Variants in MYRIP observed in about 807,000 individuals in gnomAD.
MYRIP encodes myosin VIIA and Rab interacting protein, also known as rab effector MyRIP.
Under a neutral mutation model 98.0 loss-of-function variants are expected in MYRIP, and 49 were observed. That is an observed-to-expected ratio of 0.50 (90% CI 0.40 to 0.63). MYRIP has a LOEUF of 0.63. Among genes scored for constraint, MYRIP ranks in the 30% least tolerant of loss-of-function variants. The pLI, the probability that MYRIP is intolerant of heterozygous loss-of-function variation, is 0.00. For synonymous variants in MYRIP, 404 were observed against 409.5 expected (o/e 0.99, Z 0.16); for missense variants, 1,004 against 1,058.2 (o/e 0.95, Z 0.71).
At chr3:39,915,958 C>T (rs1944148510) in intron 2 of MYRIP, among the ~76,000 whole-genome samples, 1 of 151,976 alleles carries the variant, frequency 6.6e-6, no homozygotes, top group East Asian at 1.9e-4. Flanking sequence ...TTACCTATAA[C>T]ACAATCTCTT....
intron 2 of MYRIP, among the ~76,000 whole-genome samples, chr3:39,977,828 T>C (rs184497859): frequency 6.6e-6 from 1 of 152,294 alleles, no homozygotes; most frequent in East Asian, 1.9e-4. Context: ...ATTTCTCTGC[T>C]TTTCCTGAGA....
chr3:39,958,479 C>T (rs35547535), intron 2 of MYRIP, among the ~76,000 whole-genome samples: 66,827 of 151,466 alleles, frequency 0.44, 14,765 homozygotes, highest in African/African-American at 0.49. Flanking sequence ...TAGCCATATG[C>T]AGAAAGCTGA....
At chr3:39,873,164 T>C (rs1269698116) in intron 1 of MYRIP, among the ~76,000 whole-genome samples, 12 of 152,208 alleles carry the variant, frequency 7.9e-5, no homozygotes, top group Non-Finnish European at 1.6e-4. Flanking sequence ...TCATGTCTTT[T>C]GCCCACTTTT....
At position 40,188,777 on chromosome 3, in the gene MYRIP, C is replaced by CAA. The variant is rs11374253; in HGVS notation, c.1028-1040_1028-1039dup. On this transcript the variant is annotated intron_variant, in intron 9 of 16. Coordinates refer to ENST00000302541, the MANE Select transcript of MYRIP (RefSeq NM_015460.4). ...GGGCAACAAGAGTGAAACTCTGTCT[C>CAA]AAAAAAAAAAGACAGCTCCTGTTGG... 3.6e-3 allele frequency among the ~76,000 whole-genome samples: 532 copies of CAA among 149,522 alleles called. 2 individuals are homozygous for CAA. Among genetic ancestry groups the CAA allele is most frequent in the Middle Eastern group, 0.021 (6 of 284 alleles).
intron 2 of MYRIP, among the ~76,000 whole-genome samples, chr3:40,039,454 A>C (rs1036931493): frequency 2.0e-5 from 3 of 152,146 alleles, no homozygotes; most frequent in Non-Finnish European, 4.4e-5. Flanking sequence ...CAAGAATGTA[A>C]GAATAATCAG....
chr3:39,966,945 A>T (rs1341155581), intron 2 of MYRIP, among the ~76,000 whole-genome samples: 2 of 152,178 alleles, frequency 1.3e-5, no homozygotes, highest in African/African-American at 4.8e-5. Context: ...CACACAGGAG[A>T]TAGAATGCCC....
chr3:40,163,119 A>T (rs1950431870), intron 5 of MYRIP, among the ~76,000 whole-genome samples: 1 of 152,238 alleles, frequency 6.6e-6, no homozygotes, highest in Non-Finnish European at 1.5e-5. Context: ...TGTGCATCTC[A>T]TATTAAAATA....
chr3:39,961,790 A>G (rs1945330881), intron 2 of MYRIP, among the ~76,000 whole-genome samples: 1 of 152,124 alleles, frequency 6.6e-6, no homozygotes, highest in South Asian at 2.1e-4. Context: ...TTGTTTTGAG[A>G]TATCTGCTTC....
At chr3:40,059,971 G>A (rs1426458216) in intron 3 of MYRIP, among the ~76,000 whole-genome samples, 2 of 152,178 alleles carry the variant, frequency 1.3e-5, no homozygotes, top group Non-Finnish European at 2.9e-5. Context: ...GAGAGAATGG[G>A]TTGGGCCCTT....
chr3:40,108,439 T>C (rs1318116564), intron 3 of MYRIP, among the ~76,000 whole-genome samples: 1 of 152,044 alleles, frequency 6.6e-6, no homozygotes, highest in Non-Finnish European at 1.5e-5. Context: ...TCTTGTATTG[T>C]GCAAGTGCAG....
intron 2 of MYRIP, among the ~76,000 whole-genome samples, chr3:40,001,260 G>A (rs1946513745): frequency 6.6e-6 from 1 of 152,200 alleles, no homozygotes. Context: ...TGGTGAAAGT[G>A]GTTGCCTGCA....
intron 2 of MYRIP, among the ~76,000 whole-genome samples, chr3:40,023,730 C>T (rs542003676): frequency 1.3e-5 from 2 of 152,298 alleles, no homozygotes; most frequent in African/African-American, 4.8e-5. Flanking sequence ...TTCCAGCCCC[C>T]TGTGCTACAC....
At chr3:40,170,242 G>GTC (rs1302783962) in intron 8 of MYRIP, 149 bp downstream of exon 8, 1 of 1,004,566 alleles carries the variant, frequency 1.0e-6, no homozygotes, top group Non-Finnish European at 1.4e-6. Context: ...GTGAGTGTGA[G>GTC]TCGGGGGCCA....
At chr3:39,876,748 G>A (rs560218579) in intron 1 of MYRIP, among the ~76,000 whole-genome samples, 1 of 152,132 alleles carries the variant, frequency 6.6e-6, no homozygotes, top group African/African-American at 2.4e-5. Context: ...AGGGTAACCC[G>A]ACTTTTCTCT....
Position 39,866,686 on chromosome 3 carries a change from A to G in MYRIP, c.-30-34101A>G, listed in dbSNP as rs576074627. ...GACATGGATGAAAGAAACTGAAAACAAACACATAGAAAGACTTCCTATGTT... is the reference window on the plus strand; with the variant it reads ...GACATGGATGAAAGAAACTGAAAACGAACACATAGAAAGACTTCCTATGTT... On this transcript the variant is annotated intron_variant, in intron 1 of 16. Coordinates refer to ENST00000302541, the MANE Select transcript of MYRIP (RefSeq NM_015460.4). Among the ~76,000 whole-genome samples, 22 of 152,296 alleles carry G rather than the reference A, an allele frequency of 1.4e-4. No individual in the cohort carries two copies. The South Asian group carries it at 3.9e-3, about 27-fold the overall frequency.
At chr3:39,870,980 T>C (rs889806344) in intron 1 of MYRIP, among the ~76,000 whole-genome samples, 6 of 152,328 alleles carry the variant, frequency 3.9e-5, no homozygotes, top group African/African-American at 7.2e-5. Flanking sequence ...ATGAAGTGTA[T>C]ATACTAGCTG....
At chr3:40,042,808 T>C (rs562753802) in intron 2 of MYRIP, among the ~76,000 whole-genome samples, 6 of 152,286 alleles carry the variant, frequency 3.9e-5, no homozygotes, top group African/African-American at 1.4e-4. Context: ...AAGTTGAAAC[T>C]GTCATAAGTT....
intron 3 of MYRIP, among the ~76,000 whole-genome samples, chr3:40,068,360 G>T (rs902514333): frequency 1.3e-5 from 2 of 152,150 alleles, no homozygotes; most frequent in Admixed American, 1.3e-4. Context: ...TTTGCTCTAG[G>T]TGAGTTAAAT....
At chr3:40,146,849 T>C (rs1157615780) in intron 3 of MYRIP, among the ~76,000 whole-genome samples, 1 of 152,180 alleles carries the variant, frequency 6.6e-6, no homozygotes, top group African/African-American at 2.4e-5. Context: ...CAAACCACCT[T>C]GCATGGAAGT....
Sources: allele counts gnomAD v4.1 joint callset (sites outside exome capture counted in the v4.1 genomes callset), GRCh38; gene constraint gnomAD v4.1.1; transcripts MANE v1.5; gene names NCBI Gene and HGNC (gene_info 2026-07-23, HGNC 2026-07-21).